ERICH3: variants seen among roughly 807,000 people sequenced by gnomAD.
ERICH3 encodes the protein glutamate rich 3, also known as glutamate-rich protein 3.
ERICH3 carries 126 observed loss-of-function variants against 131.1 expected under a neutral mutation model. That is an observed-to-expected ratio of 0.96 (90% confidence interval 0.83 to 1.11). The LOEUF is 1.11. Ranked by LOEUF, ERICH3 falls within the 50% of genes most tolerant of loss-of-function variation. The pLI, the probability that ERICH3 is intolerant of heterozygous loss-of-function variation, is 0.00. For synonymous variants in ERICH3, 695 were observed against 644.6 expected (o/e 1.08, Z -1.18); for missense variants, 2,050 against 1,810.7 (o/e 1.13, Z -2.40).
rs1646910790 is a variant in ERICH3 at position 74,569,452 on chromosome 1, C to T, written c.*1006G>A. The T allele has an allele frequency of 6.6e-6, 1 of 152,022 alleles. No individual in the cohort carries two copies. The highest frequency in any genetic ancestry group is 2.4e-5 in the African/African-American group (1 of 41,378). The allele number at this position is 152,022 out of a possible 1,614,324, so 9.4% of individuals were successfully genotyped here. On this transcript the variant is annotated 3_prime_UTR_variant, in exon 15 of 15. Transcript: ENST00000326665. ...CTGATACACAACTAGAAAATAATAT[C>T]AGGGAGTAATTTAGAATGCAGTTGT...
chr1:74,646,698 TG>T lies in ERICH3; in HGVS notation c.211del (p.Gln71ArgfsTer18). The T allele has an allele frequency of 6.9e-7, 1 of 1,450,672 alleles. No individual in the cohort carries two copies. The highest frequency in any genetic ancestry group is 9.3e-7 in the Non-Finnish European group (1 of 1,074,444). 89.9% of individuals were successfully genotyped at this position (1,450,672 alleles called of 1,614,324 possible). ...HQKYIRECLA[Q>X]AIFHKVLDME... The stretch of plus-strand genomic sequence containing the variant: ...ATCAAGAACTTTATGAAAAATTGCC[TG>T]GGCTAAGCATTCCCGGATATATTTT... On this transcript the variant is annotated frameshift_variant, in exon 3 of 15. Transcript: ENST00000326665. LOFTEE classifies it high-confidence loss of function.
chr1:74,612,094 AC>A (rs992247261), intron 9 of ERICH3, among the ~76,000 whole-genome samples: 1 of 152,184 alleles, frequency 6.6e-6, no homozygotes, highest in Non-Finnish European at 1.5e-5. Flanking sequence ...GTCAAAACTG[AC>A]CTTTTATCAT....
chr1:74,600,257 T>C (rs1322831404), intron 10 of ERICH3, among the ~76,000 whole-genome samples: 1 of 151,764 alleles, frequency 6.6e-6, no homozygotes, highest in East Asian at 1.9e-4. Flanking sequence ...AAATTAGAAA[T>C]AAATTAAAAA....
intron 10 of ERICH3, among the ~76,000 whole-genome samples, chr1:74,605,984 G>A (rs1648370785): frequency 2.7e-5 from 3 of 113,100 alleles, no homozygotes; most frequent in African/African-American, 1.0e-4. Context: ...ATGTGTGTAT[G>A]TATATATATG....
At chr1:74,584,541 G>C (rs1647246055) in intron 12 of ERICH3, among the ~76,000 whole-genome samples, 1 of 152,154 alleles carries the variant, frequency 6.6e-6, no homozygotes, top group Non-Finnish European at 1.5e-5. Context: ...GCAGATGACA[G>C]AGTGGCCTCC....
intron 1 of ERICH3, among the ~76,000 whole-genome samples, chr1:74,658,902 G>T (rs1646612503): frequency 6.6e-6 from 1 of 152,186 alleles, no homozygotes; most frequent in Non-Finnish European, 1.5e-5. Context: ...CAGAATTTCT[G>T]TTAAGCATTA....
rs773293557 is a variant in ERICH3 at position 74,570,028 on chromosome 1, A to G, written c.*430T>C. On this transcript the variant is annotated 3_prime_UTR_variant, in exon 15 of 15. Coordinates refer to ENST00000326665, the MANE Select transcript of ERICH3 (RefSeq NM_001002912.5). ...CCACAGATTTTTAAATAAAATTCCC[A>G]TGTATGAAATTGAGATTGTGGAATT... The G allele has an allele frequency of 2.0e-5, 3 of 152,208 alleles. No homozygotes were observed. Among genetic ancestry groups the G allele is most frequent in the Non-Finnish European group, 2.9e-5 (2 of 68,036 alleles). The allele number at this position is 152,208 out of a possible 1,614,324, so 9.4% of individuals were successfully genotyped here.
chr1:74,636,334 T>C lies in ERICH3; in HGVS notation c.549A>G (p.Ser183=). The part of the protein sequence containing the change: ...PAVETVPKVT[S]RSRSKTSLLE... Reference sequence around the variant, plus strand: ...GCAATGAGGTTTTTGATCTGGACCTTGAAGTTACCTTTGGAACAGTTTCTA... The same window carrying C: ...GCAATGAGGTTTTTGATCTGGACCTCGAAGTTACCTTTGGAACAGTTTCTA... Residue 183 remains serine (S), a synonymous_variant, in exon 6 of 15, where the codon TCA becomes TCG. Transcript: ENST00000326665. 6.2e-7 allele frequency: 1 copy of C among 1,612,860 alleles called. No individual in the cohort carries two copies. The highest frequency in any genetic ancestry group is 1.1e-5 in the South Asian group (1 of 90,892).
At chr1:74,605,073 T>G (rs944440989) in intron 10 of ERICH3, among the ~76,000 whole-genome samples, 1 of 152,000 alleles carries the variant, frequency 6.6e-6, no homozygotes, top group Non-Finnish European at 1.5e-5. Context: ...CTAGGTCTTC[T>G]GGATAAAATT....
chr1:74,586,803 A>G (rs1647351113), intron 12 of ERICH3, among the ~76,000 whole-genome samples: 1 of 152,168 alleles, frequency 6.6e-6, no homozygotes, highest in South Asian at 2.1e-4. Flanking sequence ...TGATCACGTT[A>G]TAATGTTAAG....
In ERICH3 at chr1:74,649,272, C is replaced by A; in HGVS notation, c.67G>T (p.Gly23Trp). ...CTTATCCTTGTATTGTTAAAATACC[C>A]AGCCAGGTGTTTATCCATAAGGCTA... is the stretch of plus-strand genomic sequence containing the variant. ...YNSLMDKHLA[G>W]YFNNTRIRRH... The change falls in exon 2 of 15, where the codon GGG becomes TGG. Residue 23 changes from glycine to tryptophan, a missense_variant. Physicochemically the swap from Gly to Trp is radical, Grantham distance 184. Transcript: ENST00000326665. 6.2e-7 allele frequency: 1 copy of A among 1,612,438 alleles called. No individual in the cohort carries two copies. Among genetic ancestry groups the A allele is most frequent in the Non-Finnish European group, 8.5e-7 (1 of 1,179,150 alleles).
At chr1:74,606,984 C>A (rs1405381607) in intron 9 of ERICH3, 82 bp from the exon 10 acceptor site, 4 of 1,273,834 alleles carry the variant, frequency 3.1e-6, no homozygotes, top group Non-Finnish European at 4.3e-6. Context: ...AAGCACTTAT[C>A]TCTTATTCCA....
chr1:74,646,189 G>A (rs148947010), intron 3 of ERICH3, among the ~76,000 whole-genome samples: 46 of 152,180 alleles, frequency 3.0e-4, no homozygotes, highest in African/African-American at 1.0e-3. Context: ...TCCTTGAAAT[G>A]TAACATACGG....
In ERICH3 at chr1:74,571,632, A is replaced by G. The variant is rs781612919; in HGVS notation, c.4078T>C (p.Leu1360=). Residue 1360 remains leucine (L), a synonymous_variant, in exon 14 of 15, where the codon TTG becomes CTG. Coordinates refer to ENST00000326665, the MANE Select transcript of ERICH3 (RefSeq NM_001002912.5). ...TCCTCGGCTGTCTCCGAACCTGCCAACACCTCCCTCTCCTCTGCGGCTGTT... is the reference window on the plus strand; with the variant it reads ...TCCTCGGCTGTCTCCGAACCTGCCAGCACCTCCCTCTCCTCTGCGGCTGTT... ...AETAAEEREV[L]AGSETAEEKT... 3 of 1,613,772 alleles carry G rather than the reference A, an allele frequency of 1.9e-6. No individual in the cohort carries two copies. The highest frequency in any genetic ancestry group is 1.6e-4 in the Middle Eastern group (1 of 6,062).
chr1:74,579,711 G>A (rs1162722329), intron 12 of ERICH3: 2 of 985,170 alleles, frequency 2.0e-6, no homozygotes, highest in Non-Finnish European at 1.2e-6. Flanking sequence ...TAGTAAAAGA[G>A]GACTGTGCAT....
At position 74,573,049 on chromosome 1, in the gene ERICH3, C is replaced by G; in HGVS notation, c.2661G>C (p.Glu887Asp). The G allele has an allele frequency of 1.9e-6, 3 of 1,614,192 alleles. No homozygotes were observed. Among genetic ancestry groups the G allele is most frequent in the Non-Finnish European group, 2.5e-6 (3 of 1,180,028 alleles). The change falls in exon 14 of 15, where the codon GAG becomes GAC. Residue 887 changes from glutamate (E) to aspartate (D), a missense_variant. Physicochemically the swap from Glu to Asp is conservative, Grantham distance 45 (BLOSUM62 2). Coordinates refer to ENST00000326665, the MANE Select transcript of ERICH3 (RefSeq NM_001002912.5). ...CCCCTTCAGAAGCTGCTTTGTCTGT[C>G]TCAAGCACTGTGAGCATCAAGGCTT... ...EKQALMLTVL[E>D]TDKAASEGEQ...
In ERICH3 at chr1:74,631,715, T is replaced by C. The variant is rs752653506; in HGVS notation, c.817A>G (p.Lys273Glu). ...APNGLEPLLT[K>E]DSRRIHKTSL... ...AGAAAAATTTGTTCCATAATCACCT[T>C]TGTCAAAAGAGGTTCTAAGCCATTT... is the stretch of plus-strand genomic sequence containing the variant. Residue 273 changes from lysine (K) to glutamate (E), a missense_variant and splice_region_variant, in exon 7 of 15, where the codon AAG (lysine) becomes GAG (glutamate). Physicochemically the swap from Lys to Glu is moderately conservative, Grantham distance 56. Transcript: ENST00000326665. The C allele has an allele frequency of 6.2e-6, 10 of 1,607,140 alleles. No homozygotes were observed. The African/African-American group carries it at 9.4e-5, about 15-fold the overall frequency.
rs116636724 is a variant in ERICH3 at position 74,573,152 on chromosome 1, T to A, written c.2558A>T (p.Glu853Val). ...TTGTCCTATGGGGTCTGACCCCCCT[T>A]CACCCAGCCTTCTGACCCCTTCTGC... ...AEAEGVRRLG[E>V]GGSDPIGQAA... The change falls in exon 14 of 15, where the codon GAA (glutamate) becomes GTA (valine). Residue 853 changes from glutamate (E) to valine (V), a missense_variant. Physicochemically the swap from Glu to Val is moderately radical, Grantham distance 121. Transcript: ENST00000326665. 2,278 of 1,613,168 alleles carry A rather than the reference T, an allele frequency of 1.4e-3. 25 individuals are homozygous for A. The African/African-American group carries it at 0.025, about 17-fold the overall frequency.
chr1:74,663,704 C>T (rs982296554), intron 1 of ERICH3, among the ~76,000 whole-genome samples: 4 of 150,262 alleles, frequency 2.7e-5, no homozygotes, highest in Admixed American at 2.0e-4. Flanking sequence ...GAATATAATG[C>T]CTGAATCTAG....
Sources: gnomAD v4.1 joint callset for allele counts (sites outside exome capture counted in the v4.1 genomes callset) on GRCh38, gnomAD v4.1.1 for gene constraint, MANE v1.5 for transcripts, NCBI Gene and HGNC (gene_info 2026-07-23, HGNC 2026-07-21) for gene names.